Variants in TNFAIP2 observed in about 807,000 individuals in gnomAD.
TNFAIP2 encodes tumor necrosis factor alpha-induced protein 2.
A neutral mutation model predicts 63.5 loss-of-function variants in TNFAIP2; 47 were observed. That is an observed-to-expected ratio of 0.74 (90% CI 0.59 to 0.94). The LOEUF (loss-of-function observed/expected upper bound fraction) is 0.94. Ranked by LOEUF, TNFAIP2 falls within the 40% of genes least tolerant of loss-of-function variation. The pLI, the probability that TNFAIP2 is intolerant of heterozygous loss-of-function variation, is 0.00. For synonymous variants in TNFAIP2, 405 were observed against 390.2 expected, an observed-to-expected ratio of 1.04 and a Z score of -0.45; for missense variants, 787 against 850.2, an observed-to-expected ratio of 0.93 and a Z score of 0.92.
chr14:103,135,791 C>T lies in TNFAIP2; in HGVS notation c.*431C>T, dbSNP rs2088083328. The T allele has an allele frequency of 7.7e-7, 1 of 1,293,876 alleles. No homozygotes were observed. The highest frequency in any genetic ancestry group is 1.0e-6 in the Non-Finnish European group (1 of 992,388). The allele number at this position is 1,293,876 out of a possible 1,614,324, so 80.1% of individuals were successfully genotyped here. A position where few individuals can be genotyped will look rare whatever the true frequency, so the allele number is the denominator to read the frequency against. On this transcript the variant is annotated 3_prime_UTR_variant, in exon 12 of 12. Coordinates refer to ENST00000560869, the MANE Select transcript of TNFAIP2 (RefSeq NM_006291.4). The surrounding 1 kb of genome is among the most constrained non-coding windows in gnomAD (Gnocchi z 7.6). Reference sequence around the variant, plus strand: ...CTCTGGAGACAGGGGCCGAGCCTCACCCATCTGCCCTCTGCAGCCCAGGGC... The same window carrying T: ...CTCTGGAGACAGGGGCCGAGCCTCATCCATCTGCCCTCTGCAGCCCAGGGC...
chr14:103,133,623 G>A (rs1213633565), intron 10 of TNFAIP2, 59 bp from the exon 11 acceptor site: 8 of 1,554,562 alleles, frequency 5.1e-6, no homozygotes, highest in East Asian at 4.5e-5. Flanking sequence ...TAAGCCCAAC[G>A]AGTCGCTGAC....
chr14:103,129,620 G>A (rs1416904179), intron 3 of TNFAIP2, 120 bp from the exon 4 acceptor site: 2 of 807,458 alleles, frequency 2.5e-6, no homozygotes, highest in East Asian at 5.2e-5. Context: ...GTGGGGGTGC[G>A]GGAGGGTGTG....
chr14:103,133,011 A>G (rs2088011753), intron 9 of TNFAIP2, 139 bp downstream of exon 9: 3 of 1,369,390 alleles, frequency 2.2e-6, no homozygotes, highest in African/African-American at 2.8e-5. Context: ...CGAGCATGTG[A>G]ACACGTGCAC....
rs367746895 is a variant in TNFAIP2 at position 103,133,513 on chromosome 14, A to G, written c.1697A>G (p.Gln566Arg). 1 of 1,613,326 alleles carries G rather than the reference A, an allele frequency of 6.2e-7. No homozygotes were observed. Among genetic ancestry groups the G allele is most frequent in the Non-Finnish European group, 8.5e-7 (1 of 1,179,556 alleles). Residue 566 changes from glutamine (Q) to arginine (R), a missense_variant, in exon 10 of 12, where the codon CAG becomes CGG. By Grantham distance (43) the Gln-to-Arg change is conservative. This residue lies in a region of TNFAIP2 where 523 missense variants were observed against 604.1 expected (regional missense o/e 0.87). Transcript: ENST00000560869. Reference sequence around the variant, plus strand: ...GACACCATCCAGCACTTCTGCACCCAGCACGTAAGCCGCTGCCCACCTCTC... The same window carrying G: ...GACACCATCCAGCACTTCTGCACCCGGCACGTAAGCCGCTGCCCACCTCTC... ...NADTIQHFCT[Q>R]HGSPATWLQP...
At position 103,133,673 on chromosome 14, in the gene TNFAIP2, C is replaced by A; in HGVS notation, c.1702-9C>A. On this transcript the variant is annotated splice_polypyrimidine_tract_variant and intron_variant, in intron 10 of 11. Coordinates refer to ENST00000560869, the MANE Select transcript of TNFAIP2 (RefSeq NM_006291.4). ...CCCTGGGTCCCTCCAACCACACCCA[C>A]TCCTGCAGGGCTCCCCGGCGACCTG... 1.3e-6 allele frequency: 2 copies of A among 1,559,718 alleles called. No individual in the cohort carries two copies. The highest frequency in any genetic ancestry group is 1.7e-6 in the Non-Finnish European group (2 of 1,156,250).
Position 103,131,766 on chromosome 14 carries a change from G to T in TNFAIP2, c.1422+4G>T. The T allele has an allele frequency of 6.2e-7, 1 of 1,610,634 alleles. No individual in the cohort carries two copies. ...GAACCTGCATGAGGACCTGAAGGTA[G>T]CGGGAGCCTCTTGCCCTCAGGAGCC... On this transcript the variant is annotated splice_donor_region_variant and intron_variant, in intron 8 of 11. Coordinates refer to ENST00000560869, the MANE Select transcript of TNFAIP2 (RefSeq NM_006291.4). The surrounding 1 kb of genome is among the most constrained non-coding windows in gnomAD (Gnocchi z 4.0).
rs1475268360 is a variant in TNFAIP2 at position 103,130,136 on chromosome 14, T to A, written c.1098+12T>A. 1 of 1,611,300 alleles carries A rather than the reference T, an allele frequency of 6.2e-7. No homozygotes were observed. Among genetic ancestry groups the A allele is most frequent in the Non-Finnish European group, 8.5e-7 (1 of 1,178,588 alleles). On this transcript the variant is annotated intron_variant, in intron 5 of 11. Transcript: ENST00000560869. The stretch of plus-strand genomic sequence containing the variant: ...TCGACATCATCCAGGTACTGCAATC[T>A]GCCCCAGGGCACACGTACCGCCCGT...
chr14:103,130,929 C>T (rs1472611218), intron 6 of TNFAIP2, 123 bp from the exon 7 acceptor site: 27 of 969,456 alleles, frequency 2.8e-5, no homozygotes, highest in Non-Finnish European at 4.1e-5. Context: ...GCGGCCCCTC[C>T]CTTGGCTATG....
chr14:103,125,201 G>T (rs1292563414), intron 1 of TNFAIP2, among the ~76,000 whole-genome samples: 1 of 152,218 alleles, frequency 6.6e-6, no homozygotes. Context: ...TGGCATCAAG[G>T]TTACAGGTCA....
rs2087972059 is a variant in TNFAIP2 at position 103,131,490 on chromosome 14, A to G, written c.1299-149A>G. 8.7e-7 allele frequency: 1 copy of G among 1,152,830 alleles called. No individual in the cohort carries two copies. The highest frequency in any genetic ancestry group is 1.2e-6 in the Non-Finnish European group (1 of 839,396). 71.4% of individuals were successfully genotyped at this position (1,152,830 alleles called of 1,614,324 possible). A position where few individuals can be genotyped will look rare whatever the true frequency, so the allele number is the denominator to read the frequency against. ...TGTAGTGGAGGAGTGTCCTGAGGGC[A>G]TGGAGAACATGGATGGGAGGACTTG... On this transcript the variant is annotated intron_variant, in intron 7 of 11. Coordinates refer to ENST00000560869, the MANE Select transcript of TNFAIP2 (RefSeq NM_006291.4). This position sits in a 1 kb window ranked among gnomAD's most constrained non-coding sequence, Gnocchi z 4.0.
chr14:103,126,610 G>A lies in TNFAIP2; in HGVS notation c.153G>A (p.Lys51=), dbSNP rs1566961907. Reference sequence around the variant, plus strand: ...TGTTCTGCGTCTTCACCAAAGGGAAGAAGAAGAAGGGTCAGCCCAGCTCAG... The same window carrying A: ...TGTTCTGCGTCTTCACCAAAGGGAAAAAGAAGAAGGGTCAGCCCAGCTCAG... ...ANVFCVFTKG[K]KKKGQPSSAE... The change falls in exon 2 of 12, where the codon AAG becomes AAA. Residue 51 remains lysine, a synonymous_variant. Coordinates refer to ENST00000560869, the MANE Select transcript of TNFAIP2 (RefSeq NM_006291.4). The A allele has an allele frequency of 1.9e-6, 3 of 1,554,198 alleles. No individual in the cohort carries two copies. The highest frequency in any genetic ancestry group is 1.7e-6 in the Non-Finnish European group (2 of 1,148,670).
chr14:103,135,722 A>G lies in TNFAIP2; in HGVS notation c.*362A>G. Reference sequence around the variant, plus strand: ...CCAGAGCCCCTCCACAGTCGGCCTCATGACTGTCCTCCTCGTGGGTGGGGC... The same window carrying G: ...CCAGAGCCCCTCCACAGTCGGCCTCGTGACTGTCCTCCTCGTGGGTGGGGC... On this transcript the variant is annotated 3_prime_UTR_variant, in exon 12 of 12. Transcript: ENST00000560869. This position sits in a 1 kb window ranked among gnomAD's most constrained non-coding sequence, Gnocchi z 7.6. 1 of 1,252,416 alleles carries G rather than the reference A, an allele frequency of 8.0e-7. No individual in the cohort carries two copies. Among genetic ancestry groups the G allele is most frequent in the African/African-American group, 1.5e-5 (1 of 65,086 alleles). 77.6% of individuals were successfully genotyped at this position (1,252,416 alleles called of 1,614,324 possible).
rs749197657 is a variant in TNFAIP2, at chr14:103,132,741, C to G, written c.1423-9C>G. The G allele has an allele frequency of 6.2e-7, 1 of 1,611,718 alleles. No individual in the cohort carries two copies. Among genetic ancestry groups the G allele is most frequent in the South Asian group, 1.1e-5 (1 of 90,488 alleles). On this transcript the variant is annotated splice_polypyrimidine_tract_variant and intron_variant, in intron 8 of 11. Transcript: ENST00000560869. ...GGCGTGACTAGACATCCTGCCTCTC[C>G]TGTCTCAGCCACTGTTCAAGAGGTT...
At chr14:103,132,602 C>T (rs2087999586) in intron 8 of TNFAIP2, 148 bp from the exon 9 acceptor site, 2 of 1,246,340 alleles carry the variant, frequency 1.6e-6, no homozygotes, top group Non-Finnish European at 2.3e-6. Context: ...TGAGGTTGGC[C>T]CGGGTTCCCT....
In TNFAIP2 at chr14:103,131,974, T is replaced by C. The variant is rs2087984931; in HGVS notation, c.1422+212T>C. ...GAACTCCGCCGATCATGTCCTGGGG[T>C]TTCACCTGAGAGGGGCCGCCTGGGG... On this transcript the variant is annotated intron_variant, in intron 8 of 11. Coordinates refer to ENST00000560869, the MANE Select transcript of TNFAIP2 (RefSeq NM_006291.4). This position sits in a 1 kb window ranked among gnomAD's most constrained non-coding sequence, Gnocchi z 4.0. Among the ~76,000 whole-genome samples the C allele has an allele frequency of 1.4e-5, 1 of 71,328 alleles. No individual in the cohort carries two copies. The highest frequency in any genetic ancestry group is 3.0e-5 in the Non-Finnish European group (1 of 32,842). 46.8% of individuals were successfully genotyped at this position (71,328 alleles called of 152,430 possible).
At chr14:103,132,915 G>A (rs377433849) in intron 9 of TNFAIP2, 43 bp downstream of exon 9, 1 of 1,609,574 alleles carries the variant, frequency 6.2e-7, no homozygotes, top group East Asian at 2.2e-5. Context: ...GGGGAGTTGG[G>A]GGCAGCCCGG....
At chr14:103,130,457 T>C in intron 6 of TNFAIP2, 42 bp downstream of exon 6, 1 of 1,536,304 alleles carries the variant, frequency 6.5e-7, no homozygotes, top group Non-Finnish European at 8.8e-7. Flanking sequence ...GCCACCGCTC[T>C]CAGAGCCACG....
intron 4 of TNFAIP2, 26 bp downstream of exon 4, chr14:103,129,880 G>A (rs2087934797): frequency 6.2e-7 from 1 of 1,610,112 alleles, no homozygotes; most frequent in African/African-American, 1.3e-5. Context: ...GGCCAGGGAG[G>A]GGCAGGGAGG....
intron 6 of TNFAIP2, 106 bp from the exon 7 acceptor site, chr14:103,130,946 C>G: frequency 8.2e-7 from 1 of 1,221,418 alleles, no homozygotes; most frequent in Admixed American, 1.9e-5. Flanking sequence ...TATGGGCAGC[C>G]AAACAGAAAA....
Sources: gnomAD v4.1 joint callset for allele counts (sites outside exome capture counted in the v4.1 genomes callset) on GRCh38, gnomAD v4.1.1 for gene constraint, gnomAD v4.1.1 regional missense constraint, Gnocchi (gnomAD v3.1) non-coding constraint, MANE v1.5 for transcripts, NCBI Gene and HGNC (gene_info 2026-07-23, HGNC 2026-07-21) for gene names.